The following PKIA variants were observed in gnomAD, a reference collection of about 807,000 sequenced individuals.
The protein encoded by PKIA is cAMP-dependent protein kinase inhibitor alpha.
Under a neutral mutation model 7.6 loss-of-function variants are expected in PKIA, and 4 were observed. The observed-to-expected ratio is 0.52, with a 90% CI of 0.26 to 1.20. The LOEUF is 1.20. Among genes scored for constraint, PKIA ranks in the 50% most tolerant of loss-of-function variants. The pLI, the probability that PKIA is intolerant of heterozygous loss-of-function variation, is 0.13. For synonymous variants in PKIA, 21 were observed against 30.7 expected (o/e 0.68, Z 1.04); for missense variants, 73 against 86.2 (o/e 0.85, Z 0.61).
At chr8:78,588,681 A>G (rs151270765) in intron 2 of PKIA, among the ~76,000 whole-genome samples, 166 of 152,278 alleles carry the variant, frequency 1.1e-3, no homozygotes, top group African/African-American at 3.8e-3. Context: ...CTGTAGTGAT[A>G]GTTCCTGAGA....
chr8:78,520,271 G>C (rs1293586408), intron 1 of PKIA, among the ~76,000 whole-genome samples: 1 of 152,160 alleles, frequency 6.6e-6, no homozygotes, highest in South Asian at 2.1e-4. Context: ...TATACTGAGA[G>C]TACATTCAAA....
intron 1 of PKIA, among the ~76,000 whole-genome samples, chr8:78,546,644 G>A (rs550853543): frequency 1.8e-4 from 28 of 152,238 alleles, no homozygotes; most frequent in African/African-American, 3.6e-4. Flanking sequence ...AACCCATGCC[G>A]TTAAAACCTC....
intron 3 of PKIA, among the ~76,000 whole-genome samples, chr8:78,600,203 A>C (rs1030262757): frequency 6.6e-6 from 1 of 152,008 alleles, no homozygotes; most frequent in Non-Finnish European, 1.5e-5. Flanking sequence ...AGTACAAAAA[A>C]CTAATAACTG....
intron 1 of PKIA, among the ~76,000 whole-genome samples, chr8:78,569,802 T>A (rs1807504021): frequency 6.6e-6 from 1 of 152,056 alleles, no homozygotes. Context: ...ACAAAATAGA[T>A]GTTATAAAAT....
At chr8:78,544,303 T>C (rs1806769615) in intron 1 of PKIA, among the ~76,000 whole-genome samples, 1 of 152,172 alleles carries the variant, frequency 6.6e-6, no homozygotes. Flanking sequence ...CTATATTTTC[T>C]AGGCCATTGC....
chr8:78,546,807 C>G (rs1446253020), intron 1 of PKIA, among the ~76,000 whole-genome samples: 1 of 152,162 alleles, frequency 6.6e-6, no homozygotes, highest in Non-Finnish European at 1.5e-5. Flanking sequence ...CTACTGAAGA[C>G]AGAGGTCATG....
chr8:78,599,869 T>C (rs1808313596), intron 3 of PKIA, among the ~76,000 whole-genome samples: 1 of 151,576 alleles, frequency 6.6e-6, no homozygotes, highest in Non-Finnish European at 1.5e-5. Flanking sequence ...TTCTTCTTTT[T>C]CTATTTTTCC....
chr8:78,531,062 A>G (rs924078611), intron 1 of PKIA, among the ~76,000 whole-genome samples: 3 of 152,044 alleles, frequency 2.0e-5, no homozygotes, highest in African/African-American at 7.2e-5. Context: ...ATTTTAGTGA[A>G]GAGTTCCTGA....
intron 1 of PKIA, among the ~76,000 whole-genome samples, chr8:78,541,563 T>C (rs909338535): frequency 6.6e-6 from 1 of 152,178 alleles, no homozygotes; most frequent in Non-Finnish European, 1.5e-5. Flanking sequence ...ATGTGAACTT[T>C]TGTTAAAACA....
intron 2 of PKIA, among the ~76,000 whole-genome samples, chr8:78,574,736 G>A (rs377410366): frequency 3.3e-5 from 5 of 151,984 alleles, no homozygotes; most frequent in East Asian, 1.9e-4. Flanking sequence ...TTGCTAGATG[G>A]AGCATTCACT....
chr8:78,590,291 A>AG (rs879741581), intron 2 of PKIA, among the ~76,000 whole-genome samples: 4 of 151,910 alleles, frequency 2.6e-5, no homozygotes, highest in African/African-American at 7.3e-5. Context: ...GTTAAAAAAA[A>AG]AAAAAGAAAA....
At chr8:78,559,912 C>G (rs947367981) in intron 1 of PKIA, among the ~76,000 whole-genome samples, 1 of 152,160 alleles carries the variant, frequency 6.6e-6, no homozygotes. Flanking sequence ...TAACCTAGAT[C>G]ATCTGACTCT....
At chr8:78,599,262 G>A (rs942955748) in intron 3 of PKIA, among the ~76,000 whole-genome samples, 1 of 151,988 alleles carries the variant, frequency 6.6e-6, no homozygotes, top group African/African-American at 2.4e-5. Flanking sequence ...AGCTGAATGT[G>A]TTTCCCTGAG....
chr8:78,570,421 C>T lies in PKIA; in HGVS notation c.-156-2390C>T, dbSNP rs898337117. Among the ~76,000 whole-genome samples the T allele has an allele frequency of 5.9e-5, 9 of 152,142 alleles. No individual in the cohort carries two copies. In the South Asian group the frequency reaches 6.2e-4, roughly 11 times the overall value. On this transcript the variant is annotated intron_variant, in intron 1 of 3. Coordinates refer to ENST00000396418, the MANE Select transcript of PKIA (RefSeq NM_006823.4). ...ACTGAAAGCAAACAACTGCCATGCA[C>T]GAACTTCATATCCAGTTTCTTCTTT...
intron 1 of PKIA, among the ~76,000 whole-genome samples, chr8:78,527,609 ATGAG>A (rs1399912258): frequency 5.3e-5 from 8 of 152,146 alleles, no homozygotes; most frequent in African/African-American, 1.9e-4. Context: ...TATTTAATAA[ATGAG>A]TATGAATATG....
At chr8:78,538,656 C>A (rs1806596543) in intron 1 of PKIA, among the ~76,000 whole-genome samples, 1 of 151,958 alleles carries the variant, frequency 6.6e-6, no homozygotes. Flanking sequence ...CATCTGGCAG[C>A]TCTTGGTGTG....
At position 78,601,921 on chromosome 8, in the gene PKIA, T is replaced by C; in HGVS notation, c.*100T>C. On this transcript the variant is annotated 3_prime_UTR_variant, in exon 4 of 4. Coordinates refer to ENST00000396418, the MANE Select transcript of PKIA (RefSeq NM_006823.4). ...ATGAGTGAAAAGAGGAAAAAGAAAA[T>C]GGCTGTGCTGCATTGCAGGAACCTG... 1 of 918,540 alleles carries C rather than the reference T, an allele frequency of 1.1e-6. No individual in the cohort carries two copies. The highest frequency in any genetic ancestry group is 1.7e-6 in the Non-Finnish European group (1 of 581,248). The allele number at this position is 918,540 out of a possible 1,614,324, so 56.9% of individuals were successfully genotyped here.
At chr8:78,531,130 G>A (rs1187158702) in intron 1 of PKIA, among the ~76,000 whole-genome samples, 1 of 152,030 alleles carries the variant, frequency 6.6e-6, no homozygotes, top group African/African-American at 2.4e-5. Context: ...AGTACTTGAG[G>A]TTCTTTCTGT....
intron 1 of PKIA, among the ~76,000 whole-genome samples, chr8:78,519,698 ATT>A (rs1809380306): frequency 6.6e-6 from 1 of 152,156 alleles, no homozygotes; most frequent in Non-Finnish European, 1.5e-5. Context: ...AAAAGGTAAT[ATT>A]AAGTACTATG....
Sources: allele counts gnomAD v4.1 joint callset (sites outside exome capture counted in the v4.1 genomes callset), GRCh38; gene constraint gnomAD v4.1.1; transcripts MANE v1.5; gene names NCBI Gene and HGNC (gene_info 2026-07-23, HGNC 2026-07-21).